Variants in LTBP1 observed in about 807,000 individuals in gnomAD.
LTBP1 encodes latent-transforming growth factor beta-binding protein 1.
In LTBP1, 129 loss-of-function variants were observed where a neutral mutation model predicts 207.6. The ratio of observed to expected loss-of-function variants is 0.62; its 90% CI spans 0.54 to 0.72. The LOEUF (loss-of-function observed/expected upper bound fraction) is 0.72. Among genes scored for constraint, LTBP1 ranks in the 30% least tolerant of loss-of-function variants. LTBP1 has a pLI of 0.00. For missense variants in LTBP1, 2,281 were observed against 2,217.2 expected (o/e 1.03, Z -0.58); for synonymous variants, 963 against 833.7 (o/e 1.16, Z -2.67).
intron 3 of LTBP1, among the ~76,000 whole-genome samples, chr2:33,085,287 T>C (rs1381124616): frequency 6.6e-6 from 1 of 152,182 alleles, no homozygotes; most frequent in Non-Finnish European, 1.5e-5. Flanking sequence ...GCCACCTAGT[T>C]TATGGCAATT....
intron 3 of LTBP1, among the ~76,000 whole-genome samples, chr2:33,043,241 A>G (rs958405939): frequency 3.9e-5 from 6 of 152,178 alleles, no homozygotes; most frequent in Non-Finnish European, 1.5e-5. Context: ...TTGAGCCCAG[A>G]GCCTTTTCAA....
chr2:33,234,577 A>G (rs1338352775), intron 9 of LTBP1, among the ~76,000 whole-genome samples: 1 of 152,218 alleles, frequency 6.6e-6, no homozygotes, highest in Non-Finnish European at 1.5e-5. Context: ...AAGAGAGGAC[A>G]CAAACAAATG....
At chr2:33,310,782 T>A (rs75181242) in intron 23 of LTBP1, among the ~76,000 whole-genome samples, 3,041 of 152,328 alleles carry the variant, frequency 0.02, 42 homozygotes, top group Middle Eastern at 0.11. Flanking sequence ...CCAACATTTT[T>A]AGCTATACCT....
intron 19 of LTBP1, chr2:33,291,913 G>C (rs747345800): frequency 6.6e-6 from 1 of 152,228 alleles, no homozygotes; most frequent in African/African-American, 2.4e-5. Context: ...GGTGTAGTGA[G>C]CATTGAAAAG....
rs188290904 is a variant in LTBP1, at chr2:33,397,307, G to A, written c.4984+25G>A. 164 of 1,612,180 alleles carry A rather than the reference G, an allele frequency of 1.0e-4. 1 individual carries two copies. In the African/African-American group the frequency reaches 2.0e-3, roughly 20 times the overall value. On this transcript the variant is annotated intron_variant, in intron 33 of 33. Transcript: ENST00000404816. ...GGTAAGAATGACGTGTGTTTTATGGGACATTAATTTTTTCCTGACACCCCG... is the reference window on the plus strand; with the variant it reads ...GGTAAGAATGACGTGTGTTTTATGGAACATTAATTTTTTCCTGACACCCCG...
At chr2:33,175,671 TA>T (rs1180629394) in intron 5 of LTBP1, among the ~76,000 whole-genome samples, 2 of 152,158 alleles carry the variant, frequency 1.3e-5, no homozygotes, top group Admixed American at 6.6e-5. Context: ...CCCAAAGGAC[TA>T]TAAATCATGC....
At chr2:33,025,273 G>T (rs1421828091) in intron 3 of LTBP1, among the ~76,000 whole-genome samples, 4 of 152,146 alleles carry the variant, frequency 2.6e-5, no homozygotes, top group African/African-American at 4.8e-5. Flanking sequence ...AAATATCAAA[G>T]AATTCGTGGA....
At chr2:32,979,297 T>C (rs186915382) in intron 2 of LTBP1, among the ~76,000 whole-genome samples, 137 of 152,188 alleles carry the variant, frequency 9.0e-4, no homozygotes, top group Admixed American at 2.9e-3. Context: ...AGGTTGTTTA[T>C]TTAAAGTTTT....
chr2:33,279,090 A>T (rs372456099), intron 18 of LTBP1, among the ~76,000 whole-genome samples: 1 of 152,190 alleles, frequency 6.6e-6, no homozygotes, highest in East Asian at 1.9e-4. Context: ...AAATCCGTTT[A>T]TATTTTAAGT....
chr2:33,263,645 A>G (rs2093084101), intron 15 of LTBP1, among the ~76,000 whole-genome samples: 1 of 152,228 alleles, frequency 6.6e-6, no homozygotes, highest in South Asian at 2.1e-4. Context: ...GAAATATGGC[A>G]TAATCTGTTA....
At chr2:33,054,075 A>G (rs1189590993) in intron 3 of LTBP1, among the ~76,000 whole-genome samples, 1 of 152,192 alleles carries the variant, frequency 6.6e-6, no homozygotes, top group African/African-American at 2.4e-5. Context: ...AATACAGAAG[A>G]AGGATCCTCG....
chr2:32,951,139 G>A (rs527705268), intron 2 of LTBP1, among the ~76,000 whole-genome samples: 18 of 152,336 alleles, frequency 1.2e-4, no homozygotes, highest in Non-Finnish European at 2.6e-4. Flanking sequence ...AATGCTTCCA[G>A]CATTTGGCTT....
intron 31 of LTBP1, among the ~76,000 whole-genome samples, chr2:33,376,884 A>G (rs892266118): frequency 6.6e-6 from 1 of 152,120 alleles, no homozygotes; most frequent in Non-Finnish European, 1.5e-5. Flanking sequence ...TGAATGGCAG[A>G]GAAGCCAGGT....
chr2:33,009,047 T>C (rs1423490113), intron 2 of LTBP1, among the ~76,000 whole-genome samples: 1 of 152,194 alleles, frequency 6.6e-6, no homozygotes, highest in Non-Finnish European at 1.5e-5. Flanking sequence ...GCTTTGCATT[T>C]CACTGAGTGA....
At chr2:33,070,960 A>G (rs1195325621) in intron 3 of LTBP1, among the ~76,000 whole-genome samples, 1 of 152,196 alleles carries the variant, frequency 6.6e-6, no homozygotes, top group East Asian at 1.9e-4. Context: ...TCTCTAAAGC[A>G]GTGGTTCTCA....
chr2:33,039,479 T>C (rs761710491), intron 3 of LTBP1, among the ~76,000 whole-genome samples: 16 of 152,232 alleles, frequency 1.1e-4, no homozygotes, highest in Non-Finnish European at 1.8e-4. Flanking sequence ...TTATCATCTT[T>C]AATTCTGCTT....
At chr2:33,354,654 A>G (rs1175962839) in intron 26 of LTBP1, among the ~76,000 whole-genome samples, 1 of 149,576 alleles carries the variant, frequency 6.7e-6, no homozygotes. Flanking sequence ...ATGAACTGAC[A>G]TATCAATCAA....
chr2:33,356,636 T>TA (rs1046960290), intron 26 of LTBP1, among the ~76,000 whole-genome samples: 1 of 152,078 alleles, frequency 6.6e-6, no homozygotes, highest in Non-Finnish European at 1.5e-5. Flanking sequence ...GGCAACAGAG[T>TA]GAGTCTGTCT....
At chr2:33,089,452 G>A (rs1420247181) in intron 3 of LTBP1, among the ~76,000 whole-genome samples, 1 of 152,146 alleles carries the variant, frequency 6.6e-6, no homozygotes, top group Non-Finnish European at 1.5e-5. Flanking sequence ...GTCATGGCTT[G>A]GGGGAGGGTC....
Sources: allele counts gnomAD v4.1 joint callset (sites outside exome capture counted in the v4.1 genomes callset), GRCh38; gene constraint gnomAD v4.1.1; transcripts MANE v1.5; gene names NCBI Gene and HGNC (gene_info 2026-07-23, HGNC 2026-07-21).